Variants in PCDH15 observed in about 807,000 individuals in gnomAD.
PCDH15 encodes protocadherin related 15.
PCDH15 carries 129 observed loss-of-function variants against 178.5 expected under a neutral mutation model. The ratio of observed to expected loss-of-function variants is 0.72; its 90% confidence interval spans 0.63 to 0.84. The LOEUF is 0.84. Among genes scored for constraint, PCDH15 ranks in the 40% least tolerant of loss-of-function variants. The pLI is 0.00. For missense variants in PCDH15, 2,230 were observed against 2,099.9 expected (o/e 1.06, Z -1.21); for synonymous variants, 800 against 732.0 (o/e 1.09, Z -1.50).
At chr10:53,982,524 C>T (rs1032402549) in intron 21 of PCDH15, among the ~76,000 whole-genome samples, 6 of 152,038 alleles carry the variant, frequency 3.9e-5, no homozygotes, top group African/African-American at 1.4e-4. Context: ...TTTGTAGGGA[C>T]ATGGATGAAG....
At chr10:53,823,846 A>G in intron 32 of PCDH15, 1 of 454,562 alleles carries the variant, frequency 2.2e-6, no homozygotes, top group Non-Finnish European at 4.4e-6. Flanking sequence ...ATCATGTGGA[A>G]TATCCTGTTC....
At chr10:54,243,581 TTGA>T (rs2055629940) in intron 8 of PCDH15, among the ~76,000 whole-genome samples, 1 of 152,216 alleles carries the variant, frequency 6.6e-6, no homozygotes, top group Non-Finnish European at 1.5e-5. Flanking sequence ...CTCAAAGCTC[TTGA>T]TTATTTTCAG....
At chr10:54,777,426 G>C (rs1463072670) in intron 1 of PCDH15, among the ~76,000 whole-genome samples, 2 of 152,224 alleles carry the variant, frequency 1.3e-5, no homozygotes, top group Admixed American at 1.3e-4. Context: ...GGAACTTCAA[G>C]GAAATATTGG....
At chr10:54,253,427 C>T (rs1467699277) in intron 8 of PCDH15, among the ~76,000 whole-genome samples, 1 of 151,958 alleles carries the variant, frequency 6.6e-6, no homozygotes, top group Non-Finnish European at 1.5e-5. Context: ...CCTACATGTA[C>T]ATCGAGAATA....
chr10:55,099,658 T>C (rs1252069816), intron 2 of PCDH15, among the ~76,000 whole-genome samples: 1 of 152,096 alleles, frequency 6.6e-6, no homozygotes, highest in Non-Finnish European at 1.5e-5. Context: ...AACAGAACCA[T>C]GTCAGTAATA....
At chr10:55,171,537 T>TA (rs530578743) in intron 1 of PCDH15, among the ~76,000 whole-genome samples, 87 of 152,116 alleles carry the variant, frequency 5.7e-4, no homozygotes, top group African/African-American at 2.0e-3. Flanking sequence ...GGATTAAAAT[T>TA]AAAAAAACAA....
At chr10:54,635,292 GC>G (rs1247100795) in intron 2 of PCDH15, among the ~76,000 whole-genome samples, 4 of 151,476 alleles carry the variant, frequency 2.6e-5, no homozygotes, top group Non-Finnish European at 4.4e-5. Flanking sequence ...TGCTTATTTA[GC>G]TGAGATTTGC....
intron 18 of PCDH15, among the ~76,000 whole-genome samples, chr10:54,038,694 A>G (rs528824581): frequency 6.6e-6 from 1 of 152,022 alleles, no homozygotes; most frequent in South Asian, 2.1e-4. Flanking sequence ...TCATCCCTAC[A>G]TCACTCCAAA....
intron 2 of PCDH15, among the ~76,000 whole-genome samples, chr10:55,571,481 T>C (rs1842406654): frequency 6.6e-6 from 1 of 151,954 alleles, no homozygotes; most frequent in Non-Finnish European, 1.5e-5. Context: ...AAAAAAGTAA[T>C]AAGTAAATAT....
chr10:54,453,067 C>T (rs2076582184), intron 3 of PCDH15, among the ~76,000 whole-genome samples: 1 of 152,094 alleles, frequency 6.6e-6, no homozygotes, highest in Non-Finnish European at 1.5e-5. Context: ...CGACTGTAAA[C>T]TAGTTCAAGG....
intron 7 of PCDH15, among the ~76,000 whole-genome samples, chr10:54,325,147 T>C (rs147619018): frequency 6.6e-6 from 1 of 152,204 alleles, no homozygotes; most frequent in African/African-American, 2.4e-5. Context: ...TTTTCTAATA[T>C]GGGTCAGTCA....
intron 2 of PCDH15, among the ~76,000 whole-genome samples, chr10:54,972,910 G>A (rs1838974852): frequency 1.4e-5 from 2 of 141,032 alleles, no homozygotes; most frequent in African/African-American, 2.6e-5. Context: ...ACACTCCTTA[G>A]AATTATTTTA....
At chr10:55,545,409 G>A (rs1330588796) in intron 2 of PCDH15, among the ~76,000 whole-genome samples, 1 of 152,044 alleles carries the variant, frequency 6.6e-6, no homozygotes, top group Non-Finnish European at 1.5e-5. Flanking sequence ...CCTAGTAGCT[G>A]GGATTACAGG....
rs1380788393 is a variant in PCDH15 at position 55,360,067 on chromosome 10, T to C, written c.-155-193416A>G. Among the ~76,000 whole-genome samples the C allele has an allele frequency of 3.3e-5, 5 of 152,048 alleles. No homozygotes were observed. The East Asian group carries it at 9.7e-4, about 29-fold the overall frequency. On this transcript the variant is annotated intron_variant, in intron 2 of 5. Transcript: ENST00000613346. Reference sequence around the variant, plus strand: ...AGAACAAGTTCTAGAGATCTATCAATAGTAACTACAGTTGATAACAATATA... The same window carrying C: ...AGAACAAGTTCTAGAGATCTATCAACAGTAACTACAGTTGATAACAATATA...
intron 15 of PCDH15, among the ~76,000 whole-genome samples, chr10:54,123,451 G>A (rs1459524164): frequency 6.6e-6 from 1 of 152,074 alleles, no homozygotes; most frequent in Non-Finnish European, 1.5e-5. Context: ...TCAGAGAAAT[G>A]CAAGTCAAAA....
upstream of PCDH15, among the ~76,000 whole-genome samples, chr10:54,804,130 C>A (rs1952735322): frequency 6.6e-6 from 1 of 152,088 alleles, no homozygotes; most frequent in Admixed American, 6.5e-5. Context: ...AGCTCCGCCT[C>A]CTGGGTTCAC....
chr10:54,022,151 CAACT>C (rs1329908050), intron 19 of PCDH15, among the ~76,000 whole-genome samples: 65 of 151,358 alleles, frequency 4.3e-4, no homozygotes, highest in Non-Finnish European at 8.8e-4. Context: ...CCTTATAGAC[CAACT>C]GAGTCAGTAT....
At chr10:54,706,398 G>C (rs1275636381) in intron 1 of PCDH15, among the ~76,000 whole-genome samples, 2 of 151,986 alleles carry the variant, frequency 1.3e-5, no homozygotes, top group Admixed American at 6.6e-5. Context: ...CAATTATAGG[G>C]CTAATAGGCC....
intron 18 of PCDH15, among the ~76,000 whole-genome samples, chr10:54,025,445 C>A (rs1320963365): frequency 6.6e-6 from 1 of 151,722 alleles, no homozygotes; most frequent in African/African-American, 2.4e-5. Flanking sequence ...ATGTGAGGAC[C>A]AATCCCGGTT....
Sources: gnomAD v4.1 joint callset for allele counts (sites outside exome capture counted in the v4.1 genomes callset) on GRCh38, gnomAD v4.1.1 for gene constraint, MANE v1.5 for transcripts, NCBI Gene and HGNC (gene_info 2026-07-23, HGNC 2026-07-21) for gene names.